The following KLKB1 variants were observed in gnomAD, a reference collection of about 807,000 sequenced individuals.
The protein encoded by KLKB1 is plasma kallikrein.
A neutral mutation model predicts 73.6 loss-of-function variants in KLKB1; 58 were observed. The ratio of observed to expected loss-of-function variants is 0.79; its 90% CI spans 0.64 to 0.98. The LOEUF (loss-of-function observed/expected upper bound fraction) is 0.98, where lower values mean the gene tolerates loss of function less well. Among genes scored for constraint, KLKB1 ranks in the 50% least tolerant of loss-of-function variants. KLKB1 has a pLI of 0.00. For missense variants in KLKB1, 737 were observed against 763.8 expected (o/e 0.96, Z 0.41); for synonymous variants, 280 against 258.1 (o/e 1.08, Z -0.81).
chr4:186,244,651 A>T (rs1738233578), intron 6 of KLKB1, among the ~76,000 whole-genome samples: 1 of 151,056 alleles, frequency 6.6e-6, no homozygotes. Flanking sequence ...ATAGGAGAGT[A>T]TATGGCTTTG....
At chr4:186,248,130 C>A (rs1330311983) in intron 6 of KLKB1, among the ~76,000 whole-genome samples, 1 of 152,134 alleles carries the variant, frequency 6.6e-6, no homozygotes, top group Non-Finnish European at 1.5e-5. Flanking sequence ...TGCCTGTAGT[C>A]CCAGCTACTC....
chr4:186,216,319 C>G (rs553691918), intron 2 of KLKB1, among the ~76,000 whole-genome samples: 10 of 152,286 alleles, frequency 6.6e-5, no homozygotes, highest in African/African-American at 2.4e-4. Context: ...AGACAGCAAG[C>G]AAGCCCCAGT....
chr4:186,237,872 C>G (rs1303999386), intron 5 of KLKB1, among the ~76,000 whole-genome samples: 3 of 152,108 alleles, frequency 2.0e-5, no homozygotes, highest in African/African-American at 4.8e-5. Context: ...ATGCTCTACT[C>G]AATTTTGGTG....
intron 7 of KLKB1, among the ~76,000 whole-genome samples, 196 bp downstream of exon 7, chr4:186,250,598 A>G (rs760823396): frequency 1.3e-5 from 2 of 152,228 alleles, no homozygotes; most frequent in African/African-American, 2.4e-5. Flanking sequence ...TTCTCTGCCT[A>G]TCTTCTCTTA....
chr4:186,232,143 CTA>C lies in KLKB1; in HGVS notation c.77_78del (p.Tyr26Ter). The part of the protein sequence containing the change: ...TVSCGCLTQL[Y>X]ENAFFRGGDV... ...CTGTCACAGGATGTCTGACTCAACT[CTA>C]TGAAAACGCCTTCTTCAGAGGTGGG... On this transcript the variant is annotated frameshift_variant, in exon 3 of 15. Coordinates refer to ENST00000264690, the MANE Select transcript of KLKB1 (RefSeq NM_000892.5). LOFTEE classifies it high-confidence loss of function. 1.2e-6 allele frequency: 2 copies of C among 1,612,524 alleles called. No individual in the cohort carries two copies. Among genetic ancestry groups the C allele is most frequent in the African/African-American group, 1.3e-5 (1 of 74,990 alleles).
intron 2 of KLKB1, among the ~76,000 whole-genome samples, chr4:186,218,446 CTG>C (rs1736958351): frequency 6.6e-6 from 1 of 152,154 alleles, no homozygotes; most frequent in Non-Finnish European, 1.5e-5. Context: ...TGTGCATAAA[CTG>C]TGTGACCCTA....
At position 186,251,331 on chromosome 4, in the gene KLKB1, A is replaced by T; in HGVS notation, c.868+3A>T. On this transcript the variant is annotated splice_donor_region_variant and intron_variant, in intron 8 of 14. Transcript: ENST00000264690. ...AACCTGCAAAAGAACTTTACCTGGT[A>T]ATGTGATTTGATAATAATATTACAT... 1.9e-6 allele frequency: 3 copies of T among 1,574,522 alleles called. No individual in the cohort carries two copies. The highest frequency in any genetic ancestry group is 2.6e-6 in the Non-Finnish European group (3 of 1,144,022).
chr4:186,248,731 A>C (rs780168228), intron 6 of KLKB1, among the ~76,000 whole-genome samples: 1 of 151,538 alleles, frequency 6.6e-6, no homozygotes, highest in Non-Finnish European at 1.5e-5. Flanking sequence ...CTCCATGTTT[A>C]ACTTTTTGAT....
intron 4 of KLKB1, 102 bp from the exon 5 acceptor site, chr4:186,236,679 G>A (rs2126638228): frequency 1.8e-6 from 2 of 1,137,724 alleles, no homozygotes; most frequent in Admixed American, 1.8e-5. Flanking sequence ...CCAAAACTGG[G>A]CTATTATCAT....
intron 11 of KLKB1, among the ~76,000 whole-genome samples, chr4:186,253,385 A>AC (rs912504858): frequency 4.6e-5 from 7 of 152,044 alleles, no homozygotes; most frequent in Non-Finnish European, 8.8e-5. Flanking sequence ...GTGGAGCAAG[A>AC]CCCCTCCACC....
chr4:186,240,938 G>A (rs1477419364), intron 6 of KLKB1, among the ~76,000 whole-genome samples: 1 of 152,126 alleles, frequency 6.6e-6, no homozygotes, highest in Non-Finnish European at 1.5e-5. Flanking sequence ...TGTGGCTCTG[G>A]GCTGTCACAG....
intron 2 of KLKB1, among the ~76,000 whole-genome samples, chr4:186,219,294 C>T (rs1579985328): frequency 6.6e-6 from 1 of 152,214 alleles, no homozygotes; most frequent in Admixed American, 6.5e-5. Context: ...ATCACAAGTC[C>T]ACCCCTTGTC....
chr4:186,256,029 C>T lies in KLKB1; in HGVS notation c.1527C>T (p.Asp509=), dbSNP rs750592606. 3 of 1,613,136 alleles carry T rather than the reference C, an allele frequency of 1.9e-6. No homozygotes were observed. The highest frequency in any genetic ancestry group is 4.5e-5 in the East Asian group (2 of 44,862). The change falls in exon 13 of 15, where the codon GAC becomes GAT. Residue 509 remains aspartate, a synonymous_variant. Transcript: ENST00000264690. Reference sequence around the variant, plus strand: ...CAATATGCCTACCTTCCAAAGGTGACACAAGCACAATTTATACCAACTGTT... The same window carrying T: ...CAATATGCCTACCTTCCAAAGGTGATACAAGCACAATTTATACCAACTGTT... The part of the protein sequence containing the change: ...QKPICLPSKG[D]TSTIYTNCWV...
intron 6 of KLKB1, among the ~76,000 whole-genome samples, chr4:186,249,271 A>G (rs542175035): frequency 6.6e-6 from 1 of 152,270 alleles, no homozygotes; most frequent in Admixed American, 6.5e-5. Context: ...TTGTTCTTAG[A>G]GGTTTATAGT....
intron 2 of KLKB1, among the ~76,000 whole-genome samples, chr4:186,229,978 A>G (rs754054491): frequency 2.3e-4 from 35 of 152,116 alleles, no homozygotes; most frequent in South Asian, 6.2e-4. Flanking sequence ...TTAAGACAAT[A>G]CACAGGCCTG....
intron 12 of KLKB1, among the ~76,000 whole-genome samples, chr4:186,255,140 T>C (rs766916823): frequency 3.3e-5 from 5 of 152,178 alleles, no homozygotes; most frequent in Non-Finnish European, 7.4e-5. Flanking sequence ...AGATATCTAC[T>C]TCCAGGTATA....
chr4:186,237,737 A>G (rs760777991), intron 5 of KLKB1, among the ~76,000 whole-genome samples: 16 of 152,238 alleles, frequency 1.1e-4, no homozygotes, highest in Non-Finnish European at 2.1e-4. Context: ...TTACAGTGGT[A>G]AAGTCTGGGC....
chr4:186,218,082 G>T (rs550934177), intron 2 of KLKB1, among the ~76,000 whole-genome samples: 1 of 152,212 alleles, frequency 6.6e-6, no homozygotes, highest in Non-Finnish European at 1.5e-5. Context: ...GGCCATGGCT[G>T]TGTTTCAATA....
At chr4:186,255,394 C>T (rs1403485908) in intron 12 of KLKB1, among the ~76,000 whole-genome samples, 1 of 152,130 alleles carries the variant, frequency 6.6e-6, no homozygotes, top group Non-Finnish European at 1.5e-5. Context: ...GACCCCGTCT[C>T]TACATAAAAT....
Sources: gnomAD v4.1 joint callset for allele counts (sites outside exome capture counted in the v4.1 genomes callset) on GRCh38, gnomAD v4.1.1 for gene constraint, MANE v1.5 for transcripts, NCBI Gene and HGNC (gene_info 2026-07-23, HGNC 2026-07-21) for gene names.